ZDHHC15: variants seen among roughly 807,000 people sequenced by gnomAD.
ZDHHC15 encodes zDHHC palmitoyltransferase 15, also known as palmitoyltransferase ZDHHC15.
Under a neutral mutation model 31.7 loss-of-function variants are expected in ZDHHC15, and 19 were observed. The ratio of observed to expected loss-of-function variants is 0.60; its 90% CI spans 0.42 to 0.88. ZDHHC15 has a LOEUF of 0.88. Among genes scored for constraint, ZDHHC15 ranks in the 40% least tolerant of loss-of-function variants. The probability of loss-of-function intolerance (pLI) is 0.00; values close to 1 mark genes in which losing one functional copy is unlikely to be tolerated. For synonymous variants in ZDHHC15, 103 were observed against 90.0 expected, an observed-to-expected ratio of 1.14 and a Z score of -0.82; for missense variants, 209 against 251.2, an observed-to-expected ratio of 0.83 and a Z score of 1.14.
At chrX:75,522,296 G>A (rs1178511620) in intron 1 of ZDHHC15, among the ~76,000 whole-genome samples, 1 of 112,080 alleles carries the variant, frequency 8.9e-6, no homozygotes, top group African/African-American at 3.2e-5. Context: ...GGGATCACAA[G>A]TGGACAAAGA....
intron 4 of ZDHHC15, among the ~76,000 whole-genome samples, chrX:75,448,631 G>A (rs1326584930): frequency 9.0e-6 from 1 of 111,503 alleles, no homozygotes; most frequent in Non-Finnish European, 1.9e-5. Context: ...ATTCTTCTGT[G>A]GAAGGGGTTA....
intron 1 of ZDHHC15, among the ~76,000 whole-genome samples, chrX:75,510,207 C>A (rs1041562479): frequency 9.0e-6 from 1 of 111,696 alleles, no homozygotes; most frequent in African/African-American, 3.2e-5. Flanking sequence ...GATTCCAGGG[C>A]TCTCTTCACA....
At chrX:75,389,355 G>A (rs1389454631) in intron 10 of ZDHHC15, among the ~76,000 whole-genome samples, 1 of 110,406 alleles carries the variant, frequency 9.1e-6, no homozygotes, top group Non-Finnish European at 1.9e-5. Flanking sequence ...GGGTACACAT[G>A]ACCTAGTGAG....
chrX:75,419,968 AG>A (rs1227175467), intron 9 of ZDHHC15, among the ~76,000 whole-genome samples: 1 of 57,857 alleles, frequency 1.7e-5, no homozygotes, highest in African/African-American at 7.2e-5. Flanking sequence ...GGGAGGGGGG[AG>A]GGATAGCATT....
Position 75,515,927 on chromosome X carries a change from G to T in ZDHHC15, c.136+6962C>A, listed in dbSNP as rs373730086. Among the ~76,000 whole-genome samples, 886 of 109,962 alleles carry T rather than the reference G, an allele frequency of 8.1e-3. 10 individuals carry two copies. Among genetic ancestry groups the T allele is most frequent in the African/African-American group, 0.027 (808 of 29,964 alleles). On this transcript the variant is annotated intron_variant, in intron 1 of 11. Coordinates refer to ENST00000373367, the MANE Select transcript of ZDHHC15 (RefSeq NM_144969.3). ...CAATGTGCAAAAATCACAAGCATTCGTATACACCAATAACAGACAAACAGA... is the reference window on the plus strand; with the variant it reads ...CAATGTGCAAAAATCACAAGCATTCTTATACACCAATAACAGACAAACAGA...
intron 3 of ZDHHC15, among the ~76,000 whole-genome samples, chrX:75,458,245 A>G (rs764539940): frequency 1.8e-5 from 2 of 111,876 alleles, no homozygotes; most frequent in East Asian, 5.6e-4. Context: ...TTCCTTTTTT[A>G]TGGACTTCAA....
At chrX:75,521,792 AAAT>A (rs1432932794) in intron 1 of ZDHHC15, among the ~76,000 whole-genome samples, 1 of 111,512 alleles carries the variant, frequency 9.0e-6, no homozygotes, top group African/African-American at 3.3e-5. Context: ...AAGTAAGAAG[AAAT>A]AATAATAAGA....
At chrX:75,418,975 A>C in intron 9 of ZDHHC15, among the ~76,000 whole-genome samples, 1 of 112,503 alleles carries the variant, frequency 8.9e-6, no homozygotes, top group Non-Finnish European at 1.9e-5. Flanking sequence ...ATTATACTAA[A>C]GAGTTTCTAC....
intron 2 of ZDHHC15, among the ~76,000 whole-genome samples, chrX:75,496,849 C>T (rs974124367): frequency 9.0e-6 from 1 of 110,685 alleles, no homozygotes; most frequent in Non-Finnish European, 1.9e-5. Flanking sequence ...AAAAGTGGTG[C>T]TAAGAAGAAA....
At chrX:75,478,842 T>C in intron 3 of ZDHHC15, 49 bp downstream of exon 3, 2 of 982,812 alleles carry the variant, frequency 2.0e-6, no homozygotes, top group East Asian at 6.2e-5. Flanking sequence ...TTATTGTCAC[T>C]TCTACTTTTT....
At position 75,455,317 on chromosome X, in the gene ZDHHC15, G is replaced by A. The variant is rs375893798; in HGVS notation, c.259-4395C>T. 2.4e-4 allele frequency among the ~76,000 whole-genome samples: 27 copies of A among 111,902 alleles called. 1 individual carries two copies. The East Asian group carries it at 2.8e-3, about 12-fold the overall frequency. On this transcript the variant is annotated intron_variant, in intron 3 of 11. Coordinates refer to ENST00000373367, the MANE Select transcript of ZDHHC15 (RefSeq NM_144969.3). ...TGCTGGGAAAACTAGCTAGCCATATGTAGAAAGCTGAAACTGGATCCCTTC... is the reference window on the plus strand; with the variant it reads ...TGCTGGGAAAACTAGCTAGCCATATATAGAAAGCTGAAACTGGATCCCTTC...
In ZDHHC15 at chrX:75,521,627, TA is replaced by T. The variant is rs1024559066; in HGVS notation, c.136+1261del. ...TGCTCCTTAGTGTGACAGGACAGGG[TA>T]AAAAAAGATCATAGAATTATAAAAG... On this transcript the variant is annotated intron_variant, in intron 1 of 11. Transcript: ENST00000373367. Among the ~76,000 whole-genome samples the T allele has an allele frequency of 4.6e-5, 5 of 109,587 alleles. No homozygotes were observed. In the Admixed American group the frequency reaches 4.9e-4, roughly 11 times the overall value.
chrX:75,489,811 C>T lies in ZDHHC15; in HGVS notation c.164-10826G>A, dbSNP rs181280003. On this transcript the variant is annotated intron_variant, in intron 2 of 11. Transcript: ENST00000373367. ...CTACTCCGAGCTAAAGGAGGAAGTT[C>T]GAACCCATGGCAAAGAAGTTAAAAA... 4.6e-4 allele frequency among the ~76,000 whole-genome samples: 51 copies of T among 111,599 alleles called. 1 individual carries two copies. Among genetic ancestry groups the T allele is most frequent in the African/African-American group, 1.5e-3 (47 of 30,699 alleles).
chrX:75,424,904 G>T lies in ZDHHC15; in HGVS notation c.604-120C>A, dbSNP rs376865602. Reference sequence around the variant, plus strand: ...GTGTCTAGCTGTAATTTAAAAAATAGATTCTGTAAAATTTTTATAATATGG... The same window carrying T: ...GTGTCTAGCTGTAATTTAAAAAATATATTCTGTAAAATTTTTATAATATGG... On this transcript the variant is annotated intron_variant, in intron 7 of 11. Coordinates refer to ENST00000373367, the MANE Select transcript of ZDHHC15 (RefSeq NM_144969.3). 41 of 802,232 alleles carry T rather than the reference G, an allele frequency of 5.1e-5. No homozygotes were observed. The South Asian group carries it at 1.7e-3, about 32-fold the overall frequency. 66.1% of individuals were successfully genotyped at this position (802,232 alleles called of 1,213,427 possible). A position where few individuals can be genotyped will look rare whatever the true frequency, so the allele number is the denominator to read the frequency against.
chrX:75,497,316 C>G (rs753957140), intron 2 of ZDHHC15, among the ~76,000 whole-genome samples: 63 of 111,389 alleles, frequency 5.7e-4, no homozygotes, highest in African/African-American at 1.7e-3. Flanking sequence ...ATCCCAATAA[C>G]AAGTAGCAAG....
intron 10 of ZDHHC15, among the ~76,000 whole-genome samples, chrX:75,390,464 A>T (rs1341781320): frequency 2.7e-5 from 3 of 111,620 alleles, no homozygotes; most frequent in African/African-American, 9.8e-5. Flanking sequence ...CCACAGGGGC[A>T]CTTGTGTTAC....
intron 1 of ZDHHC15, among the ~76,000 whole-genome samples, chrX:75,519,249 T>C (rs1466958930): frequency 1.8e-5 from 2 of 111,886 alleles, no homozygotes; most frequent in Admixed American, 1.9e-4. Context: ...CCCTCCTCTC[T>C]AAAAAGCTAA....
chrX:75,396,681 T>C (rs962042648), intron 10 of ZDHHC15, among the ~76,000 whole-genome samples: 17 of 112,050 alleles, frequency 1.5e-4, no homozygotes, highest in Admixed American at 2.8e-4. Context: ...TGGAGAGATA[T>C]CTGCATTCCT....
intron 10 of ZDHHC15, among the ~76,000 whole-genome samples, chrX:75,396,429 A>C (rs1054408510): frequency 8.9e-6 from 1 of 112,166 alleles, no homozygotes; most frequent in African/African-American, 3.2e-5. Context: ...ATGAAAATCA[A>C]AACTATAATG....
Sources: allele counts gnomAD v4.1 joint callset (sites outside exome capture counted in the v4.1 genomes callset), GRCh38; gene constraint gnomAD v4.1.1; transcripts MANE v1.5; gene names NCBI Gene and HGNC (gene_info 2026-07-23, HGNC 2026-07-21).